HBS1L: variants seen among roughly 807,000 people sequenced by gnomAD.
HBS1L encodes HBS1-like protein.
In HBS1L, 55 loss-of-function variants were observed where a neutral mutation model predicts 88.9. That is an observed-to-expected ratio of 0.62 (90% CI 0.50 to 0.77). HBS1L has a LOEUF of 0.77. Ranked by LOEUF, HBS1L falls within the 30% of genes least tolerant of loss-of-function variation. HBS1L has a pLI of 0.00. For synonymous variants in HBS1L, 267 were observed against 288.5 expected, an observed-to-expected ratio of 0.93 and a Z score of 0.76; for missense variants, 741 against 829.3, an observed-to-expected ratio of 0.89 and a Z score of 1.31.
At chr6:134,991,608 G>C (rs970089638) in intron 8 of HBS1L, among the ~76,000 whole-genome samples, 11 of 152,082 alleles carry the variant, frequency 7.2e-5, no homozygotes, top group East Asian at 1.9e-4. Context: ...AATTAATAGG[G>C]ATAATTACTT....
At position 134,965,190 on chromosome 6, in the gene HBS1L, A is replaced by G; in HGVS notation, c.*89T>C. On this transcript the variant is annotated 3_prime_UTR_variant, in exon 18 of 18. Coordinates refer to ENST00000367837, the MANE Select transcript of HBS1L (RefSeq NM_006620.4). ...TCTCATCTAAAAACATATCAATTGC[A>G]CATTGTTCCTTTGACTTAATAACTG... The G allele has an allele frequency of 9.7e-7, 1 of 1,035,480 alleles. No individual in the cohort carries two copies. Among genetic ancestry groups the G allele is most frequent in the Non-Finnish European group, 1.5e-6 (1 of 658,504 alleles). 64.1% of individuals were successfully genotyped at this position (1,035,480 alleles called of 1,614,324 possible). A position where few individuals can be genotyped will look rare whatever the true frequency, so the allele number is the denominator to read the frequency against.
chr6:134,998,733 G>C (rs569737180), intron 5 of HBS1L, among the ~76,000 whole-genome samples: 1 of 152,092 alleles, frequency 6.6e-6, no homozygotes, highest in Non-Finnish European at 1.5e-5. Context: ...CCCAACATTA[G>C]CCCTTCACAA....
intron 4 of HBS1L, among the ~76,000 whole-genome samples, chr6:135,005,115 C>T (rs1402125984): frequency 2.0e-5 from 3 of 152,088 alleles, no homozygotes; most frequent in Admixed American, 6.6e-5. Flanking sequence ...GACATGATCA[C>T]TTTAGATAAA....
chr6:135,026,409 T>G (rs898800607), intron 4 of HBS1L, among the ~76,000 whole-genome samples: 58 of 152,094 alleles, frequency 3.8e-4, no homozygotes, highest in African/African-American at 1.3e-3. Flanking sequence ...ACTATAAAAT[T>G]TCCAAGTTAT....
chr6:135,023,802 C>T (rs1776142392), intron 4 of HBS1L, among the ~76,000 whole-genome samples: 1 of 152,118 alleles, frequency 6.6e-6, no homozygotes. Context: ...TTTAAACAAT[C>T]ATCTTAATGA....
At chr6:135,036,395 G>GT in intron 4 of HBS1L, 1 of 1,308,036 alleles carries the variant, frequency 7.6e-7, no homozygotes, top group Non-Finnish European at 9.7e-7. Flanking sequence ...AGAAGACATA[G>GT]TTAAAAAAAA....
intron 15 of HBS1L, among the ~76,000 whole-genome samples, chr6:134,976,798 G>A (rs1418668785): frequency 6.6e-6 from 1 of 151,852 alleles, no homozygotes; most frequent in Non-Finnish European, 1.5e-5. Context: ...TACATCTTGG[G>A]TACAATATAC....
At chr6:135,014,591 A>G (rs1392856916) in intron 4 of HBS1L, among the ~76,000 whole-genome samples, 2 of 152,226 alleles carry the variant, frequency 1.3e-5, no homozygotes, top group East Asian at 3.8e-4. Context: ...CATGAGAGTC[A>G]ATACATTAAT....
intron 4 of HBS1L, among the ~76,000 whole-genome samples, chr6:135,006,965 C>T (rs1176542617): frequency 6.6e-6 from 1 of 152,088 alleles, no homozygotes; most frequent in Non-Finnish European, 1.5e-5. Context: ...GACACTAATT[C>T]CAACTTCCTG....
At chr6:134,988,334 G>T (rs1446308295) in intron 8 of HBS1L, among the ~76,000 whole-genome samples, 1 of 151,876 alleles carries the variant, frequency 6.6e-6, no homozygotes, top group East Asian at 1.9e-4. Context: ...CTACACTCCA[G>T]CCTAGGTGAC....
chr6:135,009,843 T>C (rs994769391), intron 4 of HBS1L, among the ~76,000 whole-genome samples: 1 of 151,414 alleles, frequency 6.6e-6, no homozygotes, highest in Non-Finnish European at 1.5e-5. Flanking sequence ...GGGGTTTCAC[T>C]GTGGTCTCGA....
intron 4 of HBS1L, among the ~76,000 whole-genome samples, chr6:135,024,268 G>A (rs1404229207): frequency 6.6e-6 from 1 of 151,814 alleles, no homozygotes; most frequent in Non-Finnish European, 1.5e-5. Context: ...GTGAAACCCT[G>A]TCTCTACTAA....
chr6:135,035,770 A>T (rs1776524205), intron 4 of HBS1L: 1 of 121,314 alleles, frequency 8.2e-6, no homozygotes, highest in Non-Finnish European at 1.7e-5. Flanking sequence ...AAAAAAAAAA[A>T]AAAAAAAAAA....
chr6:135,048,089 A>C (rs1284618290), intron 2 of HBS1L, among the ~76,000 whole-genome samples: 1 of 152,202 alleles, frequency 6.6e-6, no homozygotes, highest in Non-Finnish European at 1.5e-5. Context: ...ACTGCAAAGC[A>C]CATTTCTTCT....
At position 135,035,556 on chromosome 6, in the gene HBS1L, C is replaced by T. The variant is rs191688268; in HGVS notation, c.430+4017G>A. ...GAGATTGAGACCATCCTGGCCAACACGGTGAAACCCCATCTCTACTAAAAA... is the reference window on the plus strand; with the variant it reads ...GAGATTGAGACCATCCTGGCCAACATGGTGAAACCCCATCTCTACTAAAAA... On this transcript the variant is annotated intron_variant, in intron 4 of 17. Transcript: ENST00000367837. 8.4e-3 allele frequency among the ~76,000 whole-genome samples: 1,265 copies of T among 150,830 alleles called. 19 individuals carry two copies. The highest frequency in any genetic ancestry group is 0.029 in the African/African-American group (1,189 of 41,022).
At chr6:134,984,792 T>C (rs537392077) in intron 12 of HBS1L, among the ~76,000 whole-genome samples, 36 of 152,290 alleles carry the variant, frequency 2.4e-4, no homozygotes, top group Non-Finnish European at 4.3e-4. Flanking sequence ...TCCTCAGCCC[T>C]ATCTATAAAG....
chr6:135,010,253 A>G (rs1775738700), intron 4 of HBS1L, among the ~76,000 whole-genome samples: 1 of 152,184 alleles, frequency 6.6e-6, no homozygotes, highest in African/African-American at 2.4e-5. Flanking sequence ...TGACCTAGTC[A>G]TCGGATATTT....
chr6:135,022,131 C>T (rs912442271), intron 4 of HBS1L, among the ~76,000 whole-genome samples: 1 of 152,120 alleles, frequency 6.6e-6, no homozygotes, highest in Non-Finnish European at 1.5e-5. Context: ...AAGGAACATG[C>T]AATAAATGCT....
intron 1 of HBS1L, 29 bp from the exon 2 acceptor site, chr6:135,050,676 A>G (rs776858648): frequency 2.1e-6 from 3 of 1,396,252 alleles, no homozygotes; most frequent in South Asian, 2.6e-5. Context: ...AGATAAATTC[A>G]TTTACAAGTT....
Sources: allele counts gnomAD v4.1 joint callset (sites outside exome capture counted in the v4.1 genomes callset), GRCh38; gene constraint gnomAD v4.1.1; transcripts MANE v1.5; gene names NCBI Gene and HGNC (gene_info 2026-07-23, HGNC 2026-07-21).